The following PI4KA variants were observed in gnomAD, a reference collection of about 807,000 sequenced individuals.
PI4KA encodes the protein phosphatidylinositol 4-kinase alpha, also known as PI4-kinase alpha.
PI4KA carries 122 observed loss-of-function variants against 271.4 expected under a neutral mutation model. The ratio of observed to expected loss-of-function variants is 0.45; its 90% CI spans 0.39 to 0.52. The LOEUF (loss-of-function observed/expected upper bound fraction) is 0.52, where lower values mean the gene tolerates loss of function less well. Among genes scored for constraint, PI4KA ranks in the 20% least tolerant of loss-of-function variants. The pLI is 0.00. For synonymous variants in PI4KA, 1,041 were observed against 1,078.8 expected (o/e 0.96, Z 0.69); for missense variants, 1,969 against 2,769.1 (o/e 0.71, Z 6.48).
intron 37 of PI4KA, 24 bp downstream of exon 37, chr22:20,729,868 C>T: frequency 6.2e-7 from 1 of 1,613,526 alleles, no homozygotes. Context: ...ATGTGATGGC[C>T]CCAGCAGCAC....
intron 22 of PI4KA, among the ~76,000 whole-genome samples, 154 bp from the exon 23 acceptor site, chr22:20,761,540 T>G (rs151160525): frequency 8.8e-4 from 134 of 152,290 alleles, no homozygotes; most frequent in African/African-American, 3.1e-3. Context: ...GAGGGTGAGG[T>G]GCACCATCTA....
At chr22:20,724,129 C>T (rs1019811080) in intron 42 of PI4KA, among the ~76,000 whole-genome samples, 5 of 135,936 alleles carry the variant, frequency 3.7e-5, no homozygotes, top group Admixed American at 1.6e-4. Flanking sequence ...TGAGCCACTG[C>T]GCCTAGCCAT....
At chr22:20,744,798 C>A in intron 29 of PI4KA, 78 bp from the exon 30 acceptor site, 1 of 1,177,882 alleles carries the variant, frequency 8.5e-7, no homozygotes, top group Non-Finnish European at 1.3e-6. Flanking sequence ...AGCCTAAACC[C>A]AATGAAGCAG....
rs185299984 is a variant in PI4KA, at chr22:20,750,385, C to T, written c.3154-391G>A. 2.2e-3 allele frequency among the ~76,000 whole-genome samples: 333 copies of T among 152,344 alleles called. 1 individual carries two copies. The highest frequency in any genetic ancestry group is 7.9e-3 in the African/African-American group (330 of 41,580). On this transcript the variant is annotated intron_variant, in intron 27 of 54. Coordinates refer to ENST00000255882, the MANE Select transcript of PI4KA (RefSeq NM_058004.4). ...CTGCCAACACTTTGATTTTACACTT[C>T]GGCCCTCAGAACTGTAAGACAATCA...
rs2072516 is a variant in PI4KA at position 20,751,068 on chromosome 22, G to A, written c.3153+225C>T. Among the ~76,000 whole-genome samples, 81,105 of 151,570 alleles carry A rather than the reference G, an allele frequency of 0.54. 23,180 individuals carry two copies. The highest frequency in any genetic ancestry group is 0.74 in the African/African-American group (30,422 of 41,284). Reference sequence around the variant, plus strand: ...GCTGAGTCAACATGGCTGAGGTGGGGGAGCTGGGCTTGGAAGACAGAGCGA... The same window carrying A: ...GCTGAGTCAACATGGCTGAGGTGGGAGAGCTGGGCTTGGAAGACAGAGCGA... On this transcript the variant is annotated intron_variant, in intron 27 of 54. Transcript: ENST00000255882.
chr22:20,776,632 G>A (rs1933306947), intron 19 of PI4KA, among the ~76,000 whole-genome samples: 1 of 152,182 alleles, frequency 6.6e-6, no homozygotes, highest in Non-Finnish European at 1.5e-5. Flanking sequence ...GAAGCATCCT[G>A]GTACTCCAGA....
intron 32 of PI4KA, chr22:20,734,813 T>C: frequency 1.8e-6 from 1 of 568,338 alleles, no homozygotes; most frequent in South Asian, 2.1e-5. Context: ...AGGTGTGAGG[T>C]GGCAGCACCC....
chr22:20,765,592 C>G lies in PI4KA; in HGVS notation c.2430G>C (p.Glu810Asp). The G allele has an allele frequency of 6.3e-7, 1 of 1,596,762 alleles. No homozygotes were observed. The highest frequency in any genetic ancestry group is 8.6e-7 in the Non-Finnish European group (1 of 1,164,806). The change falls in exon 20 of 55, where the codon GAG (glutamate) becomes GAC (aspartate). Residue 810 changes from glutamate to aspartate, a missense_variant. By Grantham distance (45) the Glu-to-Asp change is conservative. Around this residue, in one of 13 missense-constraint regions of PI4KA, gnomAD observed 368 missense variants for 544.3 expected, o/e 0.68. Coordinates refer to ENST00000255882, the MANE Select transcript of PI4KA (RefSeq NM_058004.4). Reference sequence around the variant, plus strand: ...GAGAGATGATCCCCCTACCTGAGCCCTCCACAGCGAATCCCATCAGAACGG... The same window carrying G: ...GAGAGATGATCCCCCTACCTGAGCCGTCCACAGCGAATCCCATCAGAACGG... Reference protein sequence around the residue: ...LYSVLMGFAVEGSGLWPEEWY... With the variant: ...LYSVLMGFAVDGSGLWPEEWY...
At chr22:20,726,227 G>C (rs1285155311) in intron 42 of PI4KA, 1 of 379,478 alleles carries the variant, frequency 2.6e-6, no homozygotes, top group Non-Finnish European at 4.7e-6. Context: ...GCCTGGCCAG[G>C]CTGCCTAGCC....
chr22:20,798,554 G>T, intron 17 of PI4KA, 30 bp downstream of exon 17: 2 of 1,254,890 alleles, frequency 1.6e-6, no homozygotes, highest in Non-Finnish European at 2.3e-6. Context: ...ATACTGTCAT[G>T]ATAAAAAAGT....
chr22:20,803,339 C>T lies in PI4KA; in HGVS notation c.1462-19G>A. The T allele has an allele frequency of 6.2e-7, 1 of 1,613,692 alleles. No homozygotes were observed. Among genetic ancestry groups the T allele is most frequent in the Non-Finnish European group, 8.5e-7 (1 of 1,179,722 alleles). ...CCAAACCCTGCAACACACCATCAAC[C>T]TGTCACATGGCCTGTGGTATGGGAC... is the stretch of plus-strand genomic sequence containing the variant. On this transcript the variant is annotated intron_variant, in intron 12 of 54. Transcript: ENST00000255882.
chr22:20,833,866 G>A (rs1195240557), intron 3 of PI4KA, among the ~76,000 whole-genome samples: 2 of 151,696 alleles, frequency 1.3e-5, no homozygotes, highest in Admixed American at 1.3e-4. Flanking sequence ...CACCATATTG[G>A]CCAGGCTGGT....
At chr22:20,763,987 G>A (rs1231149035) in intron 22 of PI4KA, among the ~76,000 whole-genome samples, 1 of 152,156 alleles carries the variant, frequency 6.6e-6, no homozygotes, top group Non-Finnish European at 1.5e-5. Flanking sequence ...ACAATGAAAG[G>A]CTAAAATAGT....
In PI4KA at chr22:20,744,848, C is replaced by G. The variant is rs1345861717; in HGVS notation, c.3364-128G>C. 7 of 596,356 alleles carry G rather than the reference C, an allele frequency of 1.2e-5. No homozygotes were observed. The Admixed American group carries it at 2.1e-4, about 18-fold the overall frequency. 36.9% of individuals were successfully genotyped at this position (596,356 alleles called of 1,614,324 possible). On this transcript the variant is annotated intron_variant, in intron 29 of 54. Coordinates refer to ENST00000255882, the MANE Select transcript of PI4KA (RefSeq NM_058004.4). ...GGGGGTTACTATTAATAAAAATCTT[C>G]ACTGCTGGCAAGTTAATAAAGCAAA...
chr22:20,784,072 G>A (rs777742664), intron 19 of PI4KA: 2 of 1,614,150 alleles, frequency 1.2e-6, no homozygotes, highest in Non-Finnish European at 1.7e-6. Flanking sequence ...AGACCAAGGG[G>A]AACTTCCTCG....
chr22:20,711,772 G>A (rs1233171245), intron 50 of PI4KA, among the ~76,000 whole-genome samples: 2 of 151,872 alleles, frequency 1.3e-5, no homozygotes, highest in Non-Finnish European at 2.9e-5. Flanking sequence ...TTTAAATGGA[G>A]TCTCGCTCTG....
intron 23 of PI4KA, among the ~76,000 whole-genome samples, chr22:20,758,909 A>C (rs1400450277): frequency 6.6e-6 from 1 of 151,920 alleles, no homozygotes; most frequent in Non-Finnish European, 1.5e-5. Context: ...TTCCTTGCCA[A>C]CTCCACTGGC....
In PI4KA at chr22:20,834,636, G is replaced by C. The variant is rs749395618; in HGVS notation, c.293C>G (p.Pro98Arg). 1.2e-6 allele frequency: 2 copies of C among 1,603,536 alleles called. No individual in the cohort carries two copies. The highest frequency in any genetic ancestry group is 2.2e-5 in the South Asian group (2 of 90,820). Residue 98 changes from proline (P) to arginine (R), a missense_variant, in exon 3 of 55, where the codon CCT becomes CGT. By Grantham distance (103) the Pro-to-Arg change is moderately radical. Transcript: ENST00000255882. ...SDLQHKDCVVPYLLRLLKGLP... is the reference protein window; with the variant it reads ...SDLQHKDCVVRYLLRLLKGLP... ...ACCTTTGAGAAGTCGAAGAAGGTAAGGAACCACACAATCTTTGTGCTAAAA... is the reference window on the plus strand; with the variant it reads ...ACCTTTGAGAAGTCGAAGAAGGTAACGAACCACACAATCTTTGTGCTAAAA...
intron 23 of PI4KA, among the ~76,000 whole-genome samples, chr22:20,755,965 TGCCTCCAGGCA>T (rs1931247348): frequency 6.6e-6 from 1 of 152,196 alleles, no homozygotes; most frequent in Admixed American, 6.5e-5. Context: ...GTCTGCCCTC[TGCCTCCAGGCA>T]GAGAGACAAG....
Sources: gnomAD v4.1 joint callset for allele counts (sites outside exome capture counted in the v4.1 genomes callset) on GRCh38, gnomAD v4.1.1 for gene constraint, gnomAD v4.1.1 regional missense constraint, MANE v1.5 for transcripts, NCBI Gene and HGNC (gene_info 2026-07-23, HGNC 2026-07-21) for gene names.